UNC13C: variants seen among roughly 807,000 people sequenced by gnomAD.
UNC13C encodes unc-13 homolog C.
A neutral mutation model predicts 245.4 loss-of-function variants in UNC13C; 174 were observed. That is an observed-to-expected ratio of 0.71 (90% CI 0.63 to 0.80). The LOEUF is 0.80. UNC13C is among the 30% of genes least tolerant of loss of function. The pLI is 0.00. For synonymous variants in UNC13C, 992 were observed against 895.1 expected (o/e 1.11, Z -1.93); for missense variants, 2,829 against 2,602.9 (o/e 1.09, Z -1.89).
intron 8 of UNC13C, among the ~76,000 whole-genome samples, chr15:54,261,337 A>C (rs2036417999): frequency 1.3e-5 from 2 of 152,234 alleles, no homozygotes; most frequent in African/African-American, 2.4e-5. Flanking sequence ...GCAAATTGTA[A>C]CTATTTAAGA....
At chr15:54,540,427 C>T (rs59003953) in intron 26 of UNC13C, among the ~76,000 whole-genome samples, 9,263 of 152,046 alleles carry the variant, frequency 0.061, 933 homozygotes, top group African/African-American at 0.21. Flanking sequence ...GTTTTGTATT[C>T]AGCCAATCTA....
intron 7 of UNC13C, among the ~76,000 whole-genome samples, chr15:54,244,644 C>A (rs2035945070): frequency 6.6e-6 from 1 of 152,148 alleles, no homozygotes. Context: ...TCTCTAATTT[C>A]CTTGAGCAGT....
At chr15:54,108,978 C>G (rs996247690) in intron 2 of UNC13C, among the ~76,000 whole-genome samples, 11 of 152,168 alleles carry the variant, frequency 7.2e-5, no homozygotes, top group Admixed American at 1.3e-4. Flanking sequence ...GAGTGAGAGT[C>G]AGAATCTGGA....
chr15:53,915,074 C>T, the UNC13C span, among the ~76,000 whole-genome samples: 1 of 152,156 alleles, frequency 6.6e-6, no homozygotes, highest in Non-Finnish European at 1.5e-5. Context: ...GTTGACTCAG[C>T]CCTTTCCTCA....
intron 2 of UNC13C, among the ~76,000 whole-genome samples, chr15:54,064,388 C>T (rs570464367): frequency 1.8e-4 from 27 of 152,276 alleles, no homozygotes; most frequent in Non-Finnish European, 3.7e-4. Context: ...CTCTAGCTCA[C>T]TTAAGGTCTT....
At chr15:54,523,051 A>G (rs529962626) in intron 24 of UNC13C, among the ~76,000 whole-genome samples, 1 of 152,338 alleles carries the variant, frequency 6.6e-6, no homozygotes, top group African/African-American at 2.4e-5. Context: ...AAGGTACCCA[A>G]TAATTTTAAA....
At chr15:54,364,079 C>T (rs2039300509) in intron 17 of UNC13C, among the ~76,000 whole-genome samples, 1 of 152,090 alleles carries the variant, frequency 6.6e-6, no homozygotes, top group Non-Finnish European at 1.5e-5. Flanking sequence ...CCAGCTTGAC[C>T]TTTACATATT....
the UNC13C span, among the ~76,000 whole-genome samples, chr15:53,878,230 G>A: frequency 6.6e-6 from 1 of 152,106 alleles, no homozygotes; most frequent in Non-Finnish European, 1.5e-5. Flanking sequence ...AACTCCATCT[G>A]TGATCACTAT....
intron 19 of UNC13C, among the ~76,000 whole-genome samples, chr15:54,486,074 G>A (rs1893387976): frequency 6.6e-6 from 1 of 151,910 alleles, no homozygotes; most frequent in Non-Finnish European, 1.5e-5. Context: ...ATGATGGCAG[G>A]GACACCGTGT....
intron 4 of UNC13C, among the ~76,000 whole-genome samples, chr15:54,214,328 C>A (rs2034974572): frequency 6.6e-6 from 1 of 151,820 alleles, no homozygotes; most frequent in Non-Finnish European, 1.5e-5. Context: ...CCTGAAAGGG[C>A]ATTCTTGGTA....
At chr15:54,021,888 A>G (rs765339436) in intron 2 of UNC13C, among the ~76,000 whole-genome samples, 13 of 152,228 alleles carry the variant, frequency 8.5e-5, no homozygotes. Flanking sequence ...CTATAGTAAC[A>G]TGCTCTATAT....
chr15:54,630,871 C>G (rs1200258844), downstream of UNC13C: 1 of 152,002 alleles, frequency 6.6e-6, no homozygotes, highest in Non-Finnish European at 1.5e-5. Flanking sequence ...ATCATGACAA[C>G]TTTGAAATCA....
At chr15:53,941,084 C>A in the UNC13C span, among the ~76,000 whole-genome samples, 8 of 152,140 alleles carry the variant, frequency 5.3e-5, no homozygotes, top group Non-Finnish European at 1.0e-4. Context: ...ACCAAGACAC[C>A]ATTGTACTGG....
At chr15:53,837,747 G>T in the UNC13C span, among the ~76,000 whole-genome samples, 1 of 152,122 alleles carries the variant, frequency 6.6e-6, no homozygotes, top group South Asian at 2.1e-4. Context: ...TGTAGTATGA[G>T]ATAGGAATCC....
Position 54,567,842 on chromosome 15 carries a change from T to A in UNC13C, c.6001T>A (p.Leu2001Met). ...AGGAAATGGCCTGAAAAAGAATTTC[T>A]TGGAGAAAAGCCCAGATCTTCAGTC... ...AGGNGLKKNF[L>M]EKSPDLQSLR... Residue 2001 changes from leucine (L) to methionine (M), a missense_variant, in exon 30 of 33, where the codon TTG (leucine) becomes ATG (methionine). Transcript: ENST00000260323. The A allele has an allele frequency of 1.2e-6, 2 of 1,605,476 alleles. No homozygotes were observed. Among genetic ancestry groups the A allele is most frequent in the Non-Finnish European group, 1.7e-6 (2 of 1,175,396 alleles).
the UNC13C span, among the ~76,000 whole-genome samples, chr15:53,858,127 A>AT: frequency 6.6e-6 from 1 of 152,174 alleles, no homozygotes; most frequent in Admixed American, 6.6e-5. Context: ...TAATTTCTTC[A>AT]TTTTTGATAT....
At position 54,369,191 on chromosome 15, in the gene UNC13C, T is replaced by C. The variant is rs1196619844; in HGVS notation, c.4714-23857T>C. Among the ~76,000 whole-genome samples, 3 of 135,622 alleles carry C rather than the reference T, an allele frequency of 2.2e-5. No individual in the cohort carries two copies. The East Asian group carries it at 1.0e-3, about 47-fold the overall frequency. 89.0% of individuals were successfully genotyped at this position (135,622 alleles called of 152,430 possible). On this transcript the variant is annotated intron_variant, in intron 17 of 32. Transcript: ENST00000260323. Reference sequence around the variant, plus strand: ...GACCATCTGGGATCGATGATTAACCTCCCCCCCCCAAAAAAAAAAGTTGAA... The same window carrying C: ...GACCATCTGGGATCGATGATTAACCCCCCCCCCCCAAAAAAAAAAGTTGAA...
chr15:54,594,822 C>T (rs1314433432), intron 30 of UNC13C, among the ~76,000 whole-genome samples: 1 of 152,202 alleles, frequency 6.6e-6, no homozygotes, highest in Non-Finnish European at 1.5e-5. Context: ...AGCCCCACAC[C>T]ACCCAGTGGG....
At chr15:54,185,751 C>T (rs563303601) in intron 4 of UNC13C, among the ~76,000 whole-genome samples, 8 of 150,296 alleles carry the variant, frequency 5.3e-5, no homozygotes, top group East Asian at 1.9e-4. Context: ...CTGGGCAATG[C>T]GGGATCTTTT....
Sources: gnomAD v4.1 joint callset for allele counts (sites outside exome capture counted in the v4.1 genomes callset) on GRCh38, gnomAD v4.1.1 for gene constraint, MANE v1.5 for transcripts, NCBI Gene and HGNC (gene_info 2026-07-23, HGNC 2026-07-21) for gene names.